The following FBLN2 variants were observed in gnomAD, a reference collection of about 807,000 sequenced individuals.
FBLN2 encodes the protein fibulin 2, also known as fibulin-2.
Under a neutral mutation model 123.7 loss-of-function variants are expected in FBLN2, and 81 were observed. That is an observed-to-expected ratio of 0.65 (90% CI 0.55 to 0.79). The LOEUF (loss-of-function observed/expected upper bound fraction) is 0.79. Ranked by LOEUF, FBLN2 falls within the 30% of genes least tolerant of loss-of-function variation. The pLI is 0.00. For synonymous variants in FBLN2, 699 were observed against 701.4 expected (o/e 1.00, Z 0.05); for missense variants, 1,603 against 1,681.3 (o/e 0.95, Z 0.81).
chr3:13,572,593 C>A (rs1333374626), intron 2 of FBLN2, among the ~76,000 whole-genome samples: 1 of 152,264 alleles, frequency 6.6e-6, no homozygotes, highest in Non-Finnish European at 1.5e-5. Context: ...CAGATAGGGA[C>A]CGGCCCAAGG....
At chr3:13,598,494 G>A (rs964055416) in intron 2 of FBLN2, among the ~76,000 whole-genome samples, 15 of 152,196 alleles carry the variant, frequency 9.9e-5, no homozygotes, top group Non-Finnish European at 8.8e-5. Context: ...AGGGGAGGTG[G>A]CCAGTAAGGA....
At chr3:13,600,034 A>AGAGAGAGC (rs1394367615) in intron 2 of FBLN2, among the ~76,000 whole-genome samples, 20 of 139,702 alleles carry the variant, frequency 1.4e-4, no homozygotes, top group African/African-American at 5.7e-4. Context: ...AGAGAGAGAG[A>AGAGAGAGC]GAGAGAGAGA....
chr3:13,609,816 G>A (rs568429618), intron 4 of FBLN2, among the ~76,000 whole-genome samples, 174 bp downstream of exon 4: 1 of 152,328 alleles, frequency 6.6e-6, no homozygotes, highest in South Asian at 2.1e-4. Flanking sequence ...AACATCATCA[G>A]TTATTATACT....
In FBLN2 at chr3:13,626,468, C is replaced by T. The variant is rs1307049466; in HGVS notation, c.2320C>T (p.Leu774=). The change falls in exon 10 of 18, where the codon CTG becomes TTG. Residue 774 remains leucine (L), a synonymous_variant. Coordinates refer to ENST00000404922, the MANE Select transcript of FBLN2 (RefSeq NM_001004019.2). Reference sequence around the variant, plus strand: ...AGACATCAACGAGTGTGTGACGGACCTGCACACGTGCAGCCGGGGCGAGCA... The same window carrying T: ...AGACATCAACGAGTGTGTGACGGACTTGCACACGTGCAGCCGGGGCGAGCA... ...CVDINECVTD[L]HTCSRGEHCV... 1 of 1,584,112 alleles carries T rather than the reference C, an allele frequency of 6.3e-7. No individual in the cohort carries two copies.
intron 2 of FBLN2, among the ~76,000 whole-genome samples, chr3:13,598,395 C>T (rs1299538839): frequency 2.0e-5 from 3 of 152,210 alleles, no homozygotes; most frequent in African/African-American, 7.2e-5. Context: ...AGTGGTAGCC[C>T]AACCACACAC....
chr3:13,604,683 G>A (rs1039888868), intron 2 of FBLN2, among the ~76,000 whole-genome samples: 1 of 152,224 alleles, frequency 6.6e-6, no homozygotes, highest in Non-Finnish European at 1.5e-5. Flanking sequence ...TGGGGGATGT[G>A]TCTAATGTTC....
Position 13,630,707 on chromosome 3 carries a change from G to T in FBLN2, c.2977G>T (p.Glu993Ter). The change falls in exon 15 of 18, where the codon GAG becomes TAG. Residue 993 changes from glutamate to a stop codon, truncating the protein, a stop_gained. Coordinates refer to ENST00000404922, the MANE Select transcript of FBLN2 (RefSeq NM_001004019.2). LOFTEE classifies it high-confidence loss of function. Reference sequence around the variant, plus strand: ...TGCTGGTGTCCCTGCAGACGTGAATGAGTGTGAGGCCCAGCGCTGCAGCCA... The same window carrying T: ...TGCTGGTGTCCCTGCAGACGTGAATTAGTGTGAGGCCCAGCGCTGCAGCCA... ...ADGKRCEDVN[E>*]CEAQRCSQEC... The T allele has an allele frequency of 6.2e-7, 1 of 1,603,872 alleles. No individual in the cohort carries two copies. Among genetic ancestry groups the T allele is most frequent in the African/African-American group, 1.3e-5 (1 of 74,872 alleles).
chr3:13,635,136 G>C (rs545475685), intron 16 of FBLN2, among the ~76,000 whole-genome samples: 39 of 152,264 alleles, frequency 2.6e-4, no homozygotes, highest in African/African-American at 8.4e-4. Flanking sequence ...AGTGACCCTC[G>C]CTGCACAGGG....
At chr3:13,629,508 A>G (rs1248733353) in intron 13 of FBLN2, among the ~76,000 whole-genome samples, 1 of 131,348 alleles carries the variant, frequency 7.6e-6, no homozygotes, top group African/African-American at 3.0e-5. Context: ...CTCCTGTCTC[A>G]TCTCTGTGCC....
intron 2 of FBLN2, among the ~76,000 whole-genome samples, chr3:13,605,480 G>C (rs1705171051): frequency 6.6e-6 from 1 of 152,152 alleles, no homozygotes; most frequent in African/African-American, 2.4e-5. Flanking sequence ...CCTTAGTGCT[G>C]TGTTCCTCCA....
intron 2 of FBLN2, among the ~76,000 whole-genome samples, chr3:13,572,716 C>T (rs1023280284): frequency 6.6e-6 from 1 of 152,252 alleles, no homozygotes; most frequent in African/African-American, 2.4e-5. Flanking sequence ...ACCCCATGAG[C>T]TGTGGCGAGA....
chr3:13,635,398 ACC>A (rs1307431867), intron 16 of FBLN2, among the ~76,000 whole-genome samples: 2 of 149,006 alleles, frequency 1.3e-5, no homozygotes, highest in African/African-American at 2.5e-5. Context: ...ACACACACAC[ACC>A]CACACACACC....
intron 2 of FBLN2, among the ~76,000 whole-genome samples, chr3:13,599,758 C>T (rs780473014): frequency 1.4e-4 from 21 of 151,026 alleles, no homozygotes; most frequent in Non-Finnish European, 2.8e-4. Flanking sequence ...TTTGTTGACA[C>T]AGGAAGACCC....
chr3:13,622,078 G>A (rs866039304), intron 9 of FBLN2, among the ~76,000 whole-genome samples, 163 bp downstream of exon 9: 3 of 152,166 alleles, frequency 2.0e-5, no homozygotes, highest in East Asian at 1.9e-4. Flanking sequence ...GTGTCCTGGC[G>A]TCTTGTCCCG....
chr3:13,616,104 T>C (rs1705594117), intron 5 of FBLN2, among the ~76,000 whole-genome samples: 1 of 152,112 alleles, frequency 6.6e-6, no homozygotes, highest in Admixed American at 6.5e-5. Flanking sequence ...CCTGGGCAGA[T>C]CAACCAGAAC....
Position 13,627,952 on chromosome 3 carries a change from C to G in FBLN2, c.2552C>G (p.Pro851Arg). The change falls in exon 11 of 18, where the codon CCT becomes CGT. Residue 851 changes from proline (P) to arginine (R), a missense_variant. Pro to Arg is a moderately radical substitution (Grantham distance 103). Coordinates refer to ENST00000404922, the MANE Select transcript of FBLN2 (RefSeq NM_001004019.2). Reference sequence around the variant, plus strand: ...TGCATGGATGGCTTCCTGCAGGATCCTGAAGGCAACTGTGTGGGTGAGCGG... The same window carrying G: ...TGCATGGATGGCTTCCTGCAGGATCGTGAAGGCAACTGTGTGGGTGAGCGG... ...QRCMDGFLQD[P>R]EGNCVDINEC... The G allele has an allele frequency of 6.2e-7, 1 of 1,613,550 alleles. No homozygotes were observed. Among genetic ancestry groups the G allele is most frequent in the South Asian group, 1.1e-5 (1 of 91,048 alleles).
intron 17 of FBLN2, 95 bp from the exon 18 acceptor site, chr3:13,637,467 C>T (rs1706516482): frequency 8.5e-6 from 10 of 1,177,122 alleles, no homozygotes; most frequent in Middle Eastern, 2.4e-4. Flanking sequence ...GAGAGCTGGC[C>T]CTTGATCCTG....
chr3:13,624,242 C>T (rs893384095), intron 9 of FBLN2, among the ~76,000 whole-genome samples: 6 of 152,306 alleles, frequency 3.9e-5, no homozygotes, highest in African/African-American at 1.2e-4. Flanking sequence ...ACAGCACTAC[C>T]GGGAGGCTGA....
chr3:13,611,775 A>C (rs1253957786), intron 4 of FBLN2, among the ~76,000 whole-genome samples: 2 of 152,184 alleles, frequency 1.3e-5, no homozygotes, highest in African/African-American at 4.8e-5. Flanking sequence ...TTTTGAGGGC[A>C]GACTGTAGTT....
Sources: gnomAD v4.1 joint callset for allele counts (sites outside exome capture counted in the v4.1 genomes callset) on GRCh38, gnomAD v4.1.1 for gene constraint, MANE v1.5 for transcripts, NCBI Gene and HGNC (gene_info 2026-07-23, HGNC 2026-07-21) for gene names.